GLIS3: variants seen among roughly 807,000 people sequenced by gnomAD.
GLIS3 encodes the protein GLIS family zinc finger 3, also known as zinc finger protein GLIS3.
GLIS3 carries 53 observed loss-of-function variants against 78.6 expected under a neutral mutation model. The observed-to-expected ratio is 0.67, with a 90% confidence interval of 0.54 to 0.85. The LOEUF (loss-of-function observed/expected upper bound fraction) is 0.85. GLIS3 is among the 40% of genes least tolerant of loss of function. The pLI is 0.00. For missense variants in GLIS3, 1,703 were observed against 1,231.1 expected, an observed-to-expected ratio of 1.38 and a Z score of -5.74; for synonymous variants, 684 against 509.9, an observed-to-expected ratio of 1.34 and a Z score of -4.60.
intron 4 of GLIS3, among the ~76,000 whole-genome samples, chr9:4,096,280 G>A (rs1829941216): frequency 6.6e-6 from 1 of 152,122 alleles, no homozygotes; most frequent in African/African-American, 2.4e-5. Flanking sequence ...GTAAATTTGG[G>A]TGTTTGGTTC....
At chr9:3,986,602 G>C (rs956370408) in intron 4 of GLIS3, among the ~76,000 whole-genome samples, 3 of 152,204 alleles carry the variant, frequency 2.0e-5, no homozygotes, top group Admixed American at 1.3e-4. Flanking sequence ...TAAATGTCTT[G>C]AGAGCAGGGG....
chr9:4,097,971 A>G (rs1378484086), intron 4 of GLIS3, among the ~76,000 whole-genome samples: 3 of 152,312 alleles, frequency 2.0e-5, no homozygotes, highest in East Asian at 3.9e-4. Context: ...GGTATTTGTC[A>G]TATTACTCTT....
intron 4 of GLIS3, among the ~76,000 whole-genome samples, chr9:4,061,790 A>G (rs74559624): frequency 0.015 from 2,224 of 152,304 alleles, 69 homozygotes; most frequent in African/African-American, 0.051. Flanking sequence ...GCAAGCTTGT[A>G]CTGCACATAC....
intron 1 of GLIS3, among the ~76,000 whole-genome samples, chr9:4,295,362 G>A (rs773260244): frequency 2.0e-4 from 30 of 152,102 alleles, no homozygotes; most frequent in Non-Finnish European, 3.4e-4. Flanking sequence ...TATAAATATG[G>A]CTTCAGTTTG....
In GLIS3 at chr9:4,272,637, T is replaced by C. The variant is rs567843704; in HGVS notation, c.388+13401A>G. Among the ~76,000 whole-genome samples the C allele has an allele frequency of 2.2e-4, 34 of 152,362 alleles. 2 individuals are homozygous for C. In the East Asian group the frequency reaches 6.5e-3, roughly 29 times the overall value. On this transcript the variant is annotated intron_variant, in intron 2 of 10. Coordinates refer to ENST00000381971, the MANE Select transcript of GLIS3 (RefSeq NM_001042413.2). ...AATGCTACATAATTGCTAGCTGTTT[T>C]ATTTTCAACTCTAGAATAACCAGAA...
intron 4 of GLIS3, among the ~76,000 whole-genome samples, chr9:3,963,996 C>A (rs1220745390): frequency 6.6e-6 from 1 of 152,104 alleles, no homozygotes; most frequent in Non-Finnish European, 1.5e-5. Context: ...TTCATGCTGC[C>A]ATGCATGTTC....
intron 2 of GLIS3, among the ~76,000 whole-genome samples, chr9:4,222,027 T>C (rs1007658825): frequency 6.6e-6 from 1 of 152,212 alleles, no homozygotes; most frequent in Non-Finnish European, 1.5e-5. Context: ...ACTTTGGCTC[T>C]TGAGTTGAAG....
At chr9:4,096,349 G>A (rs541362158) in intron 4 of GLIS3, among the ~76,000 whole-genome samples, 2 of 152,140 alleles carry the variant, frequency 1.3e-5, no homozygotes, top group Non-Finnish European at 2.9e-5. Context: ...CATAGTCCAG[G>A]AATAGTTTTC....
chr9:4,209,819 C>T (rs112259464), intron 2 of GLIS3, among the ~76,000 whole-genome samples: 1 of 129,454 alleles, frequency 7.7e-6, no homozygotes, highest in African/African-American at 3.1e-5. Context: ...ATTCCCGCCC[C>T]CCCCCAGTTG....
chr9:4,277,520 G>A (rs1016804757), intron 2 of GLIS3, among the ~76,000 whole-genome samples: 1 of 152,190 alleles, frequency 6.6e-6, no homozygotes, highest in Non-Finnish European at 1.5e-5. Flanking sequence ...ACACAAAAGA[G>A]TTTTTTAATC....
chr9:4,140,601 C>T (rs751646488), intron 2 of GLIS3, among the ~76,000 whole-genome samples: 1 of 152,114 alleles, frequency 6.6e-6, no homozygotes, highest in Non-Finnish European at 1.5e-5. Flanking sequence ...CCAGAAGTCC[C>T]CCAGAGCTGC....
the GLIS3 span, among the ~76,000 whole-genome samples, chr9:4,463,120 C>G: frequency 2.6e-5 from 4 of 152,150 alleles, no homozygotes; most frequent in Non-Finnish European, 5.9e-5. Flanking sequence ...TCTCAGGTTA[C>G]CAAATACTGT....
intron 7 of GLIS3, among the ~76,000 whole-genome samples, chr9:3,896,857 C>T (rs1822881197): frequency 6.6e-6 from 1 of 151,894 alleles, no homozygotes; most frequent in African/African-American, 2.4e-5. Context: ...TATCCTTGCC[C>T]CTTAGGAGGC....
chr9:4,477,151 C>T, the GLIS3 span, among the ~76,000 whole-genome samples: 1 of 151,876 alleles, frequency 6.6e-6, no homozygotes, highest in Non-Finnish European at 1.5e-5. Context: ...AACCAAAAGG[C>T]GGAAGCAACC....
chr9:3,929,232 C>T (rs1335593411), intron 6 of GLIS3, among the ~76,000 whole-genome samples: 1 of 152,142 alleles, frequency 6.6e-6, no homozygotes, highest in African/African-American at 2.4e-5. Flanking sequence ...TGAAAGAAGT[C>T]TGTACATCGG....
At chr9:4,194,329 G>C (rs1159055005) in intron 2 of GLIS3, among the ~76,000 whole-genome samples, 2 of 152,146 alleles carry the variant, frequency 1.3e-5, no homozygotes, top group African/African-American at 4.8e-5. Flanking sequence ...CAAAGTGCTA[G>C]GATTACAGGC....
chr9:4,263,893 T>C (rs996815940), intron 2 of GLIS3, among the ~76,000 whole-genome samples: 1 of 152,200 alleles, frequency 6.6e-6, no homozygotes, highest in Admixed American at 6.5e-5. Flanking sequence ...TGTTGATTTC[T>C]TCATGGCTCA....
At chr9:4,123,621 G>T (rs911321528) in intron 3 of GLIS3, 1 of 376,364 alleles carries the variant, frequency 2.7e-6, no homozygotes, top group South Asian at 1.5e-4. Flanking sequence ...GTTGAAAGAG[G>T]CTTTTATTAT....
chr9:4,078,582 C>T (rs773647589), intron 4 of GLIS3, among the ~76,000 whole-genome samples: 1 of 152,176 alleles, frequency 6.6e-6, no homozygotes, highest in Non-Finnish European at 1.5e-5. Flanking sequence ...CAGATCGGGC[C>T]GCAAAAGGAA....
Sources: gnomAD v4.1 joint callset for allele counts (sites outside exome capture counted in the v4.1 genomes callset) on GRCh38, gnomAD v4.1.1 for gene constraint, MANE v1.5 for transcripts, NCBI Gene and HGNC (gene_info 2026-07-23, HGNC 2026-07-21) for gene names.